Variants in AMZ1 observed in about 807,000 individuals in gnomAD.
The protein encoded by AMZ1 is archaemetzincin-1.
AMZ1 carries 39 observed loss-of-function variants against 29.9 expected under a neutral mutation model. The ratio of observed to expected loss-of-function variants is 1.30; its 90% CI spans 1.01 to 1.70. The LOEUF (loss-of-function observed/expected upper bound fraction) is 1.70. Ranked by LOEUF, AMZ1 falls within the 40% of genes most tolerant of loss-of-function variation. AMZ1 has a pLI of 0.00. For missense variants in AMZ1, 1,041 were observed against 680.6 expected, an observed-to-expected ratio of 1.53 and a Z score of -5.89; for synonymous variants, 458 against 304.0, an observed-to-expected ratio of 1.51 and a Z score of -5.27.
In AMZ1 at chr7:2,731,271, G is replaced by A. The variant is rs138692914; in HGVS notation, n.550+21455G>A. The A allele has an allele frequency of 4.3e-6, 7 of 1,613,478 alleles. No individual in the cohort carries two copies. The highest frequency in any genetic ancestry group is 4.5e-5 in the East Asian group (2 of 44,876). On this transcript the variant is annotated intron_variant and non_coding_transcript_variant, in intron 4 of 4. Transcript: ENST00000489665. This position sits in a 1 kb window ranked among gnomAD's most constrained non-coding sequence, Gnocchi z 6.0. ...AGCGGACGTTCTCGGTGTCGATGGCGGTGGTGAAGTGGTGGAAGAGTGGCT... is the reference window on the plus strand; with the variant it reads ...AGCGGACGTTCTCGGTGTCGATGGCAGTGGTGAAGTGGTGGAAGAGTGGCT...
intron 4 of AMZ1, among the ~76,000 whole-genome samples, chr7:2,732,514 C>T (rs991105386): frequency 5.9e-5 from 9 of 152,142 alleles, no homozygotes; most frequent in African/African-American, 1.9e-4. Flanking sequence ...CCACTGTACT[C>T]CAGCCTGGGT....
intron 1 of AMZ1, among the ~76,000 whole-genome samples, chr7:2,693,529 G>A (rs982373423): frequency 1.3e-5 from 2 of 152,062 alleles, no homozygotes; most frequent in African/African-American, 4.8e-5. Flanking sequence ...ACAGATGTGT[G>A]CCACCACACC....
At chr7:2,761,483 T>C (rs935872145), upstream of AMZ1, among the ~76,000 whole-genome samples, 1 of 152,104 alleles carries the variant, frequency 6.6e-6, no homozygotes, top group Admixed American at 6.5e-5. Flanking sequence ...AACCAGAAAC[T>C]TTTTCCTAAA....
chr7:2,761,476 CA>C (rs1791552778), upstream of AMZ1, among the ~76,000 whole-genome samples: 2 of 152,150 alleles, frequency 1.3e-5, no homozygotes, highest in South Asian at 2.1e-4. Flanking sequence ...AGAAGAAAAC[CA>C]GAAACTTTTT....
intron 1 of AMZ1, among the ~76,000 whole-genome samples, chr7:2,692,825 G>A (rs968850200): frequency 7.2e-5 from 11 of 152,088 alleles, no homozygotes; most frequent in Non-Finnish European, 1.3e-4. Context: ...CGGCTCCTGC[G>A]CGATGTGTCC....
At chr7:2,692,040 G>A (rs1053237684) in intron 1 of AMZ1, among the ~76,000 whole-genome samples, 2 of 152,370 alleles carry the variant, frequency 1.3e-5, no homozygotes, top group Middle Eastern at 3.4e-3. Flanking sequence ...GTGCTGGTGA[G>A]TGGAAGGTCT....
chr7:2,744,407 A>G (rs916827388), intron 4 of AMZ1, among the ~76,000 whole-genome samples: 4 of 152,246 alleles, frequency 2.6e-5, no homozygotes, highest in African/African-American at 9.6e-5. Context: ...CCAAGCAAAC[A>G]GGGTCTGGAG....
At chr7:2,744,110 A>G (rs1227010770) in intron 4 of AMZ1, among the ~76,000 whole-genome samples, 1 of 152,228 alleles carries the variant, frequency 6.6e-6, no homozygotes, top group East Asian at 1.9e-4. Flanking sequence ...ACAGACAAAC[A>G]AAAAGACAGC....
chr7:2,704,808 G>C (rs1326135458), intron 3 of AMZ1, among the ~76,000 whole-genome samples: 1 of 151,952 alleles, frequency 6.6e-6, no homozygotes, highest in East Asian at 1.9e-4. Flanking sequence ...GTGTTAGCCA[G>C]GATGATCTCG....
chr7:2,748,240 C>T (rs1185946559), intron 4 of AMZ1, among the ~76,000 whole-genome samples: 21 of 151,676 alleles, frequency 1.4e-4, no homozygotes, highest in East Asian at 1.9e-4. Flanking sequence ...GGAGGCATCA[C>T]GCTACCTGAC....
At chr7:2,741,336 C>T (rs939011023) in intron 4 of AMZ1, among the ~76,000 whole-genome samples, 1 of 152,090 alleles carries the variant, frequency 6.6e-6, no homozygotes. Flanking sequence ...GCCTGGGCAA[C>T]AGAGTGAGAC....
upstream of AMZ1, among the ~76,000 whole-genome samples, chr7:2,759,672 T>G (rs1791466811): frequency 6.6e-6 from 1 of 152,248 alleles, no homozygotes; most frequent in South Asian, 2.1e-4. Flanking sequence ...ACGCTGTGCC[T>G]ATTTTTTCAG....
At chr7:2,693,611 A>C (rs1484691362) in intron 1 of AMZ1, among the ~76,000 whole-genome samples, 1 of 152,162 alleles carries the variant, frequency 6.6e-6, no homozygotes, top group Non-Finnish European at 1.5e-5. Context: ...ACTGGAGTGC[A>C]GTGGCGCGAT....
chr7:2,720,211 ACCCACGCGGACG>A (rs1262276989), downstream of AMZ1, among the ~76,000 whole-genome samples: 1 of 152,126 alleles, frequency 6.6e-6, no homozygotes, highest in Non-Finnish European at 1.5e-5. Flanking sequence ...CGGTTCATCT[ACCCACGCGGACG>A]CCCATCCACA....
chr7:2,746,114 G>C (rs1790750708), intron 4 of AMZ1, among the ~76,000 whole-genome samples: 1 of 152,134 alleles, frequency 6.6e-6, no homozygotes, highest in African/African-American at 2.4e-5. Flanking sequence ...AGATCAACGA[G>C]ACAGAAAGTT....
At chr7:2,698,785 A>G (rs913455974) in intron 1 of AMZ1, among the ~76,000 whole-genome samples, 6 of 152,150 alleles carry the variant, frequency 3.9e-5, no homozygotes, top group Admixed American at 2.0e-4. Flanking sequence ...GCAGTGAGCT[A>G]TGATTGCACC....
chr7:2,692,315 C>T (rs1047652518), intron 1 of AMZ1, among the ~76,000 whole-genome samples: 2 of 151,910 alleles, frequency 1.3e-5, no homozygotes, highest in South Asian at 2.1e-4. Context: ...CCGAGGCGGG[C>T]GGATCATGAG....
At chr7:2,760,914 G>C (rs183415529), upstream of AMZ1, among the ~76,000 whole-genome samples, 2 of 152,148 alleles carry the variant, frequency 1.3e-5, no homozygotes, top group Non-Finnish European at 2.9e-5. Flanking sequence ...GGGAGTGGGG[G>C]GTTCTGGCTG....
At chr7:2,682,147 G>T (rs899342647) in intron 1 of AMZ1, among the ~76,000 whole-genome samples, 1 of 152,196 alleles carries the variant, frequency 6.6e-6, no homozygotes, top group Non-Finnish European at 1.5e-5. Context: ...TCACAGGCTG[G>T]GCACAGGGAG....
Sources: allele counts gnomAD v4.1 joint callset (sites outside exome capture counted in the v4.1 genomes callset), GRCh38; gene constraint gnomAD v4.1.1; non-coding constraint Gnocchi (gnomAD v3.1); transcripts MANE v1.5; gene names NCBI Gene and HGNC (gene_info 2026-07-23, HGNC 2026-07-21).